CTNNA3: variants seen among roughly 807,000 people sequenced by gnomAD.
CTNNA3 encodes catenin alpha 3, also known as catenin alpha-3.
Under a neutral mutation model 95.7 loss-of-function variants are expected in CTNNA3, and 76 were observed. The observed-to-expected ratio is 0.79, with a 90% confidence interval of 0.66 to 0.96. The LOEUF (loss-of-function observed/expected upper bound fraction) is 0.96, where lower values mean the gene tolerates loss of function less well. Ranked by LOEUF, CTNNA3 falls within the 40% of genes least tolerant of loss-of-function variation. The probability of loss-of-function intolerance (pLI) is 0.00; values close to 1 mark genes in which losing one functional copy is unlikely to be tolerated. For missense variants in CTNNA3, 1,191 were observed against 1,089.8 expected, an observed-to-expected ratio of 1.09 and a Z score of -1.31; for synonymous variants, 431 against 374.4, an observed-to-expected ratio of 1.15 and a Z score of -1.74.
chr10:67,083,771 A>T (rs1170652562), intron 7 of CTNNA3, among the ~76,000 whole-genome samples: 2 of 152,146 alleles, frequency 1.3e-5, no homozygotes, highest in Non-Finnish European at 2.9e-5. Context: ...TTCAAAATAC[A>T]TTAGTTCTCC....
chr10:66,730,514 C>T (rs950245437), intron 9 of CTNNA3, among the ~76,000 whole-genome samples: 7 of 152,098 alleles, frequency 4.6e-5, no homozygotes, highest in Non-Finnish European at 1.0e-4. Context: ...GGCTTACTAC[C>T]TAGATGATGA....
At chr10:66,464,490 C>T (rs1467128345) in intron 11 of CTNNA3, among the ~76,000 whole-genome samples, 3 of 152,108 alleles carry the variant, frequency 2.0e-5, no homozygotes, top group Non-Finnish European at 2.9e-5. Flanking sequence ...GGGTTGGGCA[C>T]GGAGGCTCAC....
chr10:67,564,241 C>G (rs1048656235), intron 3 of CTNNA3, among the ~76,000 whole-genome samples: 1 of 149,478 alleles, frequency 6.7e-6, no homozygotes, highest in East Asian at 1.9e-4. Flanking sequence ...TTGAAACCAA[C>G]CCAAATGTCC....
In CTNNA3 at chr10:67,673,133, T is replaced by G. The variant is rs61869469; in HGVS notation, c.-6+22867A>C. Among the ~76,000 whole-genome samples, 798 of 150,932 alleles carry G rather than the reference T, an allele frequency of 5.3e-3. 5 individuals are homozygous for G. The highest frequency in any genetic ancestry group is 7.9e-3 in the Non-Finnish European group (531 of 67,500). On this transcript the variant is annotated intron_variant, in intron 1 of 17. Coordinates refer to ENST00000433211, the MANE Select transcript of CTNNA3 (RefSeq NM_013266.4). ...TTCTCTTTGAAGCAATTGTGAATGG[T>G]AGTTCACTCATGATTTGGCTCTCTG... is the stretch of plus-strand genomic sequence containing the variant.
intron 5 of CTNNA3, among the ~76,000 whole-genome samples, chr10:67,258,332 T>C (rs141300337): frequency 0.016 from 2,425 of 152,094 alleles, 67 homozygotes; most frequent in African/African-American, 0.053. Flanking sequence ...TTAGTAGAGA[T>C]GGAGTTTCAC....
At chr10:66,148,997 A>G (rs1442144039) in intron 13 of CTNNA3, among the ~76,000 whole-genome samples, 1 of 151,336 alleles carries the variant, frequency 6.6e-6, no homozygotes, top group East Asian at 1.9e-4. Context: ...ATATTTATGT[A>G]TATAATTTAA....
At chr10:67,341,984 ATG>A (rs1421206500) in intron 5 of CTNNA3, among the ~76,000 whole-genome samples, 2 of 137,908 alleles carry the variant, frequency 1.5e-5, no homozygotes, top group Non-Finnish European at 3.1e-5. Flanking sequence ...TTTGCCATTT[ATG>A]TGTCTTTTTT....
chr10:67,080,827 T>G (rs1404680498), intron 7 of CTNNA3, among the ~76,000 whole-genome samples: 2 of 151,368 alleles, frequency 1.3e-5, no homozygotes, highest in East Asian at 3.9e-4. Flanking sequence ...GAGAATGGCG[T>G]GAACCCGGGA....
chr10:66,171,289 T>C (rs2085415072), intron 13 of CTNNA3, among the ~76,000 whole-genome samples: 1 of 148,138 alleles, frequency 6.8e-6, no homozygotes, highest in Admixed American at 6.7e-5. Context: ...AAATCCTAAC[T>C]TTGGGCTGGG....
At chr10:66,258,283 C>T (rs540567174) in intron 13 of CTNNA3, among the ~76,000 whole-genome samples, 1 of 152,268 alleles carries the variant, frequency 6.6e-6, no homozygotes, top group South Asian at 2.1e-4. Context: ...TCACAGAAAG[C>T]GTTCACTTTT....
intron 15 of CTNNA3, among the ~76,000 whole-genome samples, chr10:66,008,524 C>A (rs2078941616): frequency 6.6e-6 from 1 of 152,122 alleles, no homozygotes; most frequent in Non-Finnish European, 1.5e-5. Flanking sequence ...TAGCTTCAGC[C>A]AAATAGGTTG....
intron 10 of CTNNA3, among the ~76,000 whole-genome samples, chr10:66,554,262 T>C (rs1489676960): frequency 6.6e-6 from 1 of 152,164 alleles, no homozygotes; most frequent in Non-Finnish European, 1.5e-5. Context: ...TTGCCTTTTT[T>C]CCCCTGAATA....
chr10:66,868,351 G>A (rs1844264531), intron 7 of CTNNA3, among the ~76,000 whole-genome samples: 1 of 148,854 alleles, frequency 6.7e-6, no homozygotes, highest in Admixed American at 6.7e-5. Flanking sequence ...TGCAACAAGA[G>A]CAAAACTCTG....
At chr10:66,544,694 G>C (rs1230939775) in intron 10 of CTNNA3, among the ~76,000 whole-genome samples, 1 of 151,974 alleles carries the variant, frequency 6.6e-6, no homozygotes, top group Non-Finnish European at 1.5e-5. Flanking sequence ...TATATCTATA[G>C]GATAATTGTG....
At chr10:67,499,390 T>G (rs943842075) in intron 5 of CTNNA3, among the ~76,000 whole-genome samples, 1 of 152,146 alleles carries the variant, frequency 6.6e-6, no homozygotes, top group Admixed American at 6.5e-5. Context: ...TGGCCCCAAA[T>G]TTTCTTTTTT....
chr10:65,941,288 G>T (rs905659033), intron 17 of CTNNA3, among the ~76,000 whole-genome samples: 17 of 152,072 alleles, frequency 1.1e-4, no homozygotes, highest in Non-Finnish European at 4.4e-5. Context: ...TGGGTCCATG[G>T]TCCATGTTCT....
At chr10:66,988,018 AC>A (rs1850829154) in intron 7 of CTNNA3, among the ~76,000 whole-genome samples, 1 of 152,150 alleles carries the variant, frequency 6.6e-6, no homozygotes, top group African/African-American at 2.4e-5. Flanking sequence ...TAGTATCAAA[AC>A]TTTATTTAAT....
In CTNNA3 at chr10:66,167,169, G is replaced by A. The variant is rs563869426; in HGVS notation, c.1885-63920C>T. Among the ~76,000 whole-genome samples the A allele has an allele frequency of 2.0e-3, 310 of 152,220 alleles. 1 individual carries two copies. The highest frequency in any genetic ancestry group is 7.0e-3 in the African/African-American group (289 of 41,542). ...AAGAGAAAGGGACATAGGACACTGT[G>A]CTGTATGTAAAAAAGAGGAGAGATT... On this transcript the variant is annotated intron_variant, in intron 13 of 17. Transcript: ENST00000433211.
In CTNNA3 at chr10:67,726,490, A is replaced by C. The variant is rs1469901713; in HGVS notation, c.-2+36944T>G. Among the ~76,000 whole-genome samples, 5 of 70,736 alleles carry C rather than the reference A, an allele frequency of 7.1e-5. 1 individual carries two copies. Among genetic ancestry groups the C allele is most frequent in the Non-Finnish European group, 9.2e-5 (4 of 43,354 alleles). The allele number at this position is 70,736 out of a possible 152,430, so 46.4% of individuals were successfully genotyped here. On this transcript the variant is annotated intron_variant, in intron 1 of 17. Transcript: ENST00000684154. ...GATATAATATTATATATTATATCAT[A>C]TACAATATATAATATATTATATATT...
Sources: allele counts gnomAD v4.1 joint callset (sites outside exome capture counted in the v4.1 genomes callset), GRCh38; gene constraint gnomAD v4.1.1; transcripts MANE v1.5; gene names NCBI Gene and HGNC (gene_info 2026-07-23, HGNC 2026-07-21).